FAT3: variants seen among roughly 807,000 people sequenced by gnomAD.
The protein encoded by FAT3 is FAT atypical cadherin 3.
In FAT3, 95 loss-of-function variants were observed where a neutral mutation model predicts 310.2. The observed-to-expected ratio is 0.31, with a 90% CI of 0.26 to 0.36. The LOEUF is 0.36. Ranked by LOEUF, FAT3 falls within the 10% of genes least tolerant of loss-of-function variation. The pLI is 1.00. For synonymous variants in FAT3, 2,314 were observed against 2,192.9 expected, an observed-to-expected ratio of 1.06 and a Z score of -1.54; for missense variants, 5,408 against 5,715.6, an observed-to-expected ratio of 0.95 and a Z score of 1.74.
chr11:92,383,208 T>G (rs1193750374), intron 2 of FAT3, among the ~76,000 whole-genome samples: 1 of 152,260 alleles, frequency 6.6e-6, no homozygotes, highest in Non-Finnish European at 1.5e-5. Flanking sequence ...ATGGTATATA[T>G]GTACCACATT....
At chr11:92,878,658 A>AAC (rs1949596346) in intron 22 of FAT3, among the ~76,000 whole-genome samples, 1 of 99,848 alleles carries the variant, frequency 1.0e-5, no homozygotes, top group East Asian at 3.3e-4. Flanking sequence ...AAAAAAAAAA[A>AAC]AAAAAAAAAG....
At chr11:92,690,110 A>C (rs1013959322) in intron 3 of FAT3, among the ~76,000 whole-genome samples, 1 of 152,200 alleles carries the variant, frequency 6.6e-6, no homozygotes, top group Non-Finnish European at 1.5e-5. Flanking sequence ...GCGGCTACAG[A>C]ATCCTGAATC....
At chr11:92,691,705 GTA>G (rs1412062294) in intron 3 of FAT3, among the ~76,000 whole-genome samples, 1 of 152,122 alleles carries the variant, frequency 6.6e-6, no homozygotes, top group African/African-American at 2.4e-5. Flanking sequence ...TTGAATTGTG[GTA>G]TAGTCATAAA....
At chr11:92,510,179 A>C (rs912241284) in intron 2 of FAT3, among the ~76,000 whole-genome samples, 1 of 152,218 alleles carries the variant, frequency 6.6e-6, no homozygotes, top group Non-Finnish European at 1.5e-5. Context: ...TCTTCTCAAG[A>C]AATAGAATCC....
chr11:92,463,365 A>G (rs1335265183), intron 2 of FAT3, among the ~76,000 whole-genome samples: 1 of 152,188 alleles, frequency 6.6e-6, no homozygotes, highest in African/African-American at 2.4e-5. Context: ...TGGTTCTGGA[A>G]CAAGACTACC....
intron 2 of FAT3, among the ~76,000 whole-genome samples, chr11:92,433,698 G>A (rs996333587): frequency 1.3e-5 from 2 of 152,004 alleles, no homozygotes; most frequent in Admixed American, 6.6e-5. Flanking sequence ...CCCAGGAATC[G>A]AAAAGCCACT....
intron 3 of FAT3, among the ~76,000 whole-genome samples, chr11:92,641,358 A>T (rs1173052475): frequency 3.9e-5 from 6 of 152,238 alleles, no homozygotes; most frequent in Non-Finnish European, 1.5e-5. Context: ...CCTAGGGCCA[A>T]TATGACAAGT....
At chr11:92,280,852 T>A (rs1946400814) in intron 1 of FAT3, among the ~76,000 whole-genome samples, 1 of 152,162 alleles carries the variant, frequency 6.6e-6, no homozygotes, top group African/African-American at 2.4e-5. Flanking sequence ...TACATACAAT[T>A]TCTTGTGTCA....
In FAT3 at chr11:92,347,230, A is replaced by G. The variant is rs1426907363; in HGVS notation, c.-17-4866A>G. Among the ~76,000 whole-genome samples, 7 of 152,240 alleles carry G rather than the reference A, an allele frequency of 4.6e-5. No homozygotes were observed. In the East Asian group the frequency reaches 1.4e-3, roughly 30 times the overall value. On this transcript the variant is annotated intron_variant, in intron 1 of 27. Transcript: ENST00000525166. Reference sequence around the variant, plus strand: ...CCTTTGTGTTGGCATTGGCTCTGGCACTGCATACACCAGAGCAGAGACTGA... The same window carrying G: ...CCTTTGTGTTGGCATTGGCTCTGGCGCTGCATACACCAGAGCAGAGACTGA...
chr11:92,226,250 C>G (rs557715180), intron 1 of FAT3, among the ~76,000 whole-genome samples: 102 of 152,308 alleles, frequency 6.7e-4, no homozygotes, highest in African/African-American at 2.3e-3. Flanking sequence ...ATGGCGAGCC[C>G]GGATATTTTT....
chr11:92,727,839 G>T lies in FAT3; in HGVS notation c.3669+30394G>T, dbSNP rs968208307. 3.3e-5 allele frequency among the ~76,000 whole-genome samples: 5 copies of T among 152,328 alleles called. No homozygotes were observed. The East Asian group carries it at 5.8e-4, about 18-fold the overall frequency. ...GGCTCCAGTCTTCTCTCAGCCTGCAGCTTGCAACCCCCGTTGCCATTTGCC... is the reference window on the plus strand; with the variant it reads ...GGCTCCAGTCTTCTCTCAGCCTGCATCTTGCAACCCCCGTTGCCATTTGCC... On this transcript the variant is annotated intron_variant, in intron 4 of 27. Coordinates refer to ENST00000525166, the MANE Select transcript of FAT3 (RefSeq NM_001367949.2).
intron 3 of FAT3, among the ~76,000 whole-genome samples, chr11:92,636,772 GC>G (rs1339501306): frequency 6.6e-6 from 1 of 152,194 alleles, no homozygotes; most frequent in African/African-American, 2.4e-5. Flanking sequence ...TGCTCAGGAA[GC>G]CTGTTTCTGT....
At chr11:92,789,878 G>A (rs781660103) in intron 7 of FAT3, 65 bp from the exon 8 acceptor site, 96 of 1,538,776 alleles carry the variant, frequency 6.2e-5, no homozygotes, top group Non-Finnish European at 6.6e-5. Context: ...AAGAGGGAGG[G>A]CATACTTTTA....
intron 3 of FAT3, among the ~76,000 whole-genome samples, chr11:92,582,444 A>T: frequency 6.6e-6 from 1 of 152,074 alleles, no homozygotes; most frequent in Admixed American, 6.6e-5. Flanking sequence ...TATCCTAAAA[A>T]TTAATTTTTG....
intron 3 of FAT3, among the ~76,000 whole-genome samples, chr11:92,530,601 G>C (rs950863295): frequency 2.0e-5 from 3 of 151,924 alleles, no homozygotes; most frequent in Non-Finnish European, 2.9e-5. Context: ...AAAAAACCTG[G>C]GTCACGTAAT....
At chr11:92,355,882 C>T (rs1472924921) in intron 2 of FAT3, among the ~76,000 whole-genome samples, 1 of 152,128 alleles carries the variant, frequency 6.6e-6, no homozygotes, top group East Asian at 1.9e-4. Flanking sequence ...TTTTATCTTT[C>T]ATGGGTTCAT....
chr11:92,459,187 G>A (rs1951574835), intron 2 of FAT3, among the ~76,000 whole-genome samples: 1 of 152,158 alleles, frequency 6.6e-6, no homozygotes, highest in Non-Finnish European at 1.5e-5. Context: ...GCAGCCCTGG[G>A]CACATGTGAG....
chr11:92,769,741 A>G (rs1946413856), intron 6 of FAT3, among the ~76,000 whole-genome samples: 1 of 152,252 alleles, frequency 6.6e-6, no homozygotes, highest in South Asian at 2.1e-4. Flanking sequence ...GATAGAACGT[A>G]GTTCCAACTC....
At chr11:92,279,543 AAAAG>A (rs1946368171) in intron 1 of FAT3, among the ~76,000 whole-genome samples, 1 of 152,264 alleles carries the variant, frequency 6.6e-6, no homozygotes, top group African/African-American at 2.4e-5. Context: ...ACCCACCAAA[AAAAG>A]AGGTACTTTG....
Sources: gnomAD v4.1 joint callset for allele counts (sites outside exome capture counted in the v4.1 genomes callset) on GRCh38, gnomAD v4.1.1 for gene constraint, MANE v1.5 for transcripts, NCBI Gene and HGNC (gene_info 2026-07-23, HGNC 2026-07-21) for gene names.